The following NAT10 variants were observed in gnomAD, a reference collection of about 807,000 sequenced individuals.
NAT10 encodes the protein N-acetyltransferase 10.
A neutral mutation model predicts 132.2 loss-of-function variants in NAT10; 109 were observed. That is an observed-to-expected ratio of 0.82 (90% CI 0.71 to 0.97). The LOEUF (loss-of-function observed/expected upper bound fraction) is 0.97, where lower values mean the gene tolerates loss of function less well. Among genes scored for constraint, NAT10 ranks in the 50% least tolerant of loss-of-function variants. The pLI, the probability that NAT10 is intolerant of heterozygous loss-of-function variation, is 0.00. For missense variants in NAT10, 1,184 were observed against 1,263.4 expected, an observed-to-expected ratio of 0.94 and a Z score of 0.95; for synonymous variants, 479 against 478.0, an observed-to-expected ratio of 1.00 and a Z score of -0.03.
chr11:34,132,966 C>G (rs983579759), intron 15 of NAT10, 60 bp from the exon 16 acceptor site: 5 of 1,412,350 alleles, frequency 3.5e-6, no homozygotes, highest in Non-Finnish European at 5.0e-6. Context: ...TGAATCGAAC[C>G]TTTTGCGTAA....
At chr11:34,127,942 C>G (rs1170783804) in intron 12 of NAT10, among the ~76,000 whole-genome samples, 2 of 152,064 alleles carry the variant, frequency 1.3e-5, no homozygotes, top group Non-Finnish European at 2.9e-5. Context: ...TATTAAAGTA[C>G]TATAATTATC....
At chr11:34,139,323 G>A (rs1182862362) in intron 22 of NAT10, 36 bp downstream of exon 22, 5 of 1,612,514 alleles carry the variant, frequency 3.1e-6, no homozygotes, top group Non-Finnish European at 3.4e-6. Flanking sequence ...GAGACAATGA[G>A]GTGATTGGGG....
Position 34,136,676 on chromosome 11 carries a change from G to A in NAT10, c.2063G>A (p.Arg688Gln), listed in dbSNP as rs527894514. The A allele has an allele frequency of 3.8e-5, 62 of 1,614,080 alleles. No individual in the cohort carries two copies. Among genetic ancestry groups the A allele is most frequent in the East Asian group, 6.7e-5 (3 of 44,878 alleles). Residue 688 changes from arginine to glutamine, a missense_variant, in exon 20 of 29, where the codon CGG (arginine) becomes CAG (glutamine). Coordinates refer to ENST00000257829, the MANE Select transcript of NAT10 (RefSeq NM_024662.3). ...VSLLEEVITP[R>Q]KDLPPLLLKL... is the part of the protein sequence containing the mutation. ...TTGTTGGAAGAGGTCATCACTCCCC[G>A]GAAGGACCTGCCTCCTTTACTCCTC...
intron 27 of NAT10, 70 bp from the exon 28 acceptor site, chr11:34,143,375 G>C: frequency 7.6e-7 from 1 of 1,322,630 alleles, no homozygotes; most frequent in Non-Finnish European, 1.1e-6. Flanking sequence ...TGTTGTCACT[G>C]TCGTTATTTT....
chr11:34,127,691 AAGTCTGATTCTCAG>A, intron 12 of NAT10, 92 bp downstream of exon 12: 1 of 1,456,642 alleles, frequency 6.9e-7, no homozygotes, highest in Middle Eastern at 2.5e-4. Flanking sequence ...CTGGACAGCC[AAGTCTGATTCTCAG>A]AGTCTCTGAG....
chr11:34,134,173 G>T, intron 16 of NAT10, 146 bp from the exon 17 acceptor site: 2 of 680,024 alleles, frequency 2.9e-6, no homozygotes, highest in Non-Finnish European at 5.3e-6. Flanking sequence ...CAAAAGAGCG[G>T]GGGGAATGGA....
chr11:34,143,990 C>T (rs935983363), intron 28 of NAT10, among the ~76,000 whole-genome samples: 4 of 152,378 alleles, frequency 2.6e-5, no homozygotes, highest in African/African-American at 7.2e-5. Context: ...CAGGTTTCTC[C>T]ACTGCAAGGC....
Position 34,143,502 on chromosome 11 carries a change from G to A in NAT10, c.2943G>A (p.Pro981=), listed in dbSNP as rs1448120268. 9 of 1,613,882 alleles carry A rather than the reference G, an allele frequency of 5.6e-6. No homozygotes were observed. Among genetic ancestry groups the A allele is most frequent in the African/African-American group, 1.3e-5 (1 of 74,920 alleles). The part of the protein sequence containing the change: ...EWNEVLNKAG[P]NASIISLKSD... ...ATGAAGTTTTGAACAAAGCTGGGCC[G>A]AACGCCTCGATCATCAGCCTGAAAA... The change falls in exon 28 of 29, where the codon CCG becomes CCA. Residue 981 remains proline (P), a synonymous_variant. Transcript: ENST00000257829.
chr11:34,141,622 G>A (rs1852333313), intron 25 of NAT10, 97 bp from the exon 26 acceptor site: 2 of 1,041,818 alleles, frequency 1.9e-6, no homozygotes, highest in South Asian at 1.5e-5. Flanking sequence ...TCTTCAAAAT[G>A]CACACCTTTC....
At chr11:34,144,703 A>G (rs1229917070) in intron 28 of NAT10, among the ~76,000 whole-genome samples, 1 of 152,160 alleles carries the variant, frequency 6.6e-6, no homozygotes, top group Admixed American at 6.5e-5. Context: ...GCATTTGTAA[A>G]TAACTTAGGC....
chr11:34,118,324 G>A (rs778001327), intron 7 of NAT10, 30 bp downstream of exon 7: 20 of 1,611,622 alleles, frequency 1.2e-5, no homozygotes, highest in Non-Finnish European at 1.6e-5. Context: ...CAGGAATCTG[G>A]GGGAGGCTAC....
intron 12 of NAT10, among the ~76,000 whole-genome samples, chr11:34,129,557 T>G (rs1852064227): frequency 6.6e-6 from 1 of 151,616 alleles, no homozygotes; most frequent in South Asian, 2.1e-4. Context: ...TTACAAAAAT[T>G]TTCTCACATT....
Position 34,127,464 on chromosome 11 carries a change from A to T in NAT10, c.1109A>T (p.Tyr370Phe). 1 of 1,612,976 alleles carries T rather than the reference A, an allele frequency of 6.2e-7. No homozygotes were observed. Among genetic ancestry groups the T allele is most frequent in the Non-Finnish European group, 8.5e-7 (1 of 1,179,176 alleles). Reference sequence around the variant, plus strand: ...AATCTAAATTTTCCTTCCCCATAGTATATACATCCTGCAGATGCTGTGAAG... The same window carrying T: ...AATCTAAATTTTCCTTCCCCATAGTTTATACATCCTGCAGATGCTGTGAAG... ...VFREHRQTIQYIHPADAVKLG... is the reference protein window; with the variant it reads ...VFREHRQTIQFIHPADAVKLG... The change falls in exon 12 of 29, where the codon TAT becomes TTT. Residue 370 changes from tyrosine to phenylalanine, a missense_variant and splice_region_variant. By Grantham distance (22) the Tyr-to-Phe change is conservative. Coordinates refer to ENST00000257829, the MANE Select transcript of NAT10 (RefSeq NM_024662.3).
rs111341056 is a variant in NAT10, at chr11:34,131,413, T to G, written c.1402T>G (p.Ser468Ala). 6.2e-7 allele frequency: 1 copy of G among 1,614,030 alleles called. No individual in the cohort carries two copies. The highest frequency in any genetic ancestry group is 8.5e-7 in the Non-Finnish European group (1 of 1,179,990). Residue 468 changes from serine (S) to alanine (A), a missense_variant, in exon 14 of 29, where the codon TCA becomes GCA. Transcript: ENST00000257829. Reference protein sequence around the residue: ...RTLYEVSLQESIRYAPGDAVE... With the variant: ...RTLYEVSLQEAIRYAPGDAVE... ...ACTGTATGAGGTTTCCCTCCAGGAG[T>G]CAATCCGATACGCCCCTGGGGATGC...
intron 28 of NAT10, 100 bp downstream of exon 28, chr11:34,143,628 C>T (rs1290358718): frequency 8.9e-7 from 1 of 1,123,540 alleles, no homozygotes; most frequent in East Asian, 2.6e-5. Flanking sequence ...GGAGCAAAAG[C>T]TTTGACAGAA....
Position 34,139,432 on chromosome 11 carries a change from TTC to T in NAT10, c.2361_2362del (p.Pro788PhefsTer33), listed in dbSNP as rs1299146465. 6.2e-7 allele frequency: 1 copy of T among 1,614,100 alleles called. No individual in the cohort carries two copies. The highest frequency in any genetic ancestry group is 8.5e-7 in the Non-Finnish European group (1 of 1,180,014). On this transcript the variant is annotated frameshift_variant, in exon 23 of 29. Transcript: ENST00000257829. LOFTEE classifies it high-confidence loss of function. ...CTTGCTCTCCTACCAGTTCAGTACC[TTC>T]TCTCCTTCCCTGGCTCTGAACATCA... ...LALLSYQFST[F>X]SPSLALNIIQ...
chr11:34,131,406 C>T lies in NAT10; in HGVS notation c.1395C>T (p.Leu465=), dbSNP rs1852102561. The T allele has an allele frequency of 6.2e-7, 1 of 1,613,984 alleles. No homozygotes were observed. Among genetic ancestry groups the T allele is most frequent in the Non-Finnish European group, 8.5e-7 (1 of 1,179,976 alleles). The change falls in exon 14 of 29, where the codon CTC becomes CTT. Residue 465 remains leucine, a synonymous_variant. Transcript: ENST00000257829. ...CGCGGACACTGTATGAGGTTTCCCT[C>T]CAGGAGTCAATCCGATACGCCCCTG... ...ASARTLYEVS[L]QESIRYAPGD...
intron 25 of NAT10, 122 bp downstream of exon 25, chr11:34,141,330 C>A (rs1443970738): frequency 1.5e-6 from 2 of 1,305,784 alleles, no homozygotes; most frequent in East Asian, 2.4e-5. Flanking sequence ...GTCACACACA[C>A]ACACACACAC....
rs773933213 is a variant in NAT10 at position 34,137,054 on chromosome 11, G to T, written c.2211+28G>T. 8 of 1,613,746 alleles carry T rather than the reference G, an allele frequency of 5.0e-6. No individual in the cohort carries two copies. The South Asian group carries it at 8.8e-5, about 18-fold the overall frequency. Reference sequence around the variant, plus strand: ...GAGTGAGGCATCCAGCAGAGGAGAAGTTTAGGTTTACCGTTATGGTAGGTG... The same window carrying T: ...GAGTGAGGCATCCAGCAGAGGAGAATTTTAGGTTTACCGTTATGGTAGGTG... On this transcript the variant is annotated intron_variant, in intron 21 of 28. Coordinates refer to ENST00000257829, the MANE Select transcript of NAT10 (RefSeq NM_024662.3).
Sources: allele counts gnomAD v4.1 joint callset (sites outside exome capture counted in the v4.1 genomes callset), GRCh38; gene constraint gnomAD v4.1.1; transcripts MANE v1.5; gene names NCBI Gene and HGNC (gene_info 2026-07-23, HGNC 2026-07-21).